The following PCDH15 variants were observed in gnomAD, a reference collection of about 807,000 sequenced individuals.
The protein encoded by PCDH15 is protocadherin related 15.
Under a neutral mutation model 178.5 loss-of-function variants are expected in PCDH15, and 129 were observed. That is an observed-to-expected ratio of 0.72 (90% CI 0.63 to 0.84). PCDH15 has a LOEUF of 0.84. Ranked by LOEUF, PCDH15 falls within the 40% of genes least tolerant of loss-of-function variation. The pLI is 0.00. For synonymous variants in PCDH15, 800 were observed against 732.0 expected (o/e 1.09, Z -1.50); for missense variants, 2,230 against 2,099.9 (o/e 1.06, Z -1.21).
chr10:54,676,968 G>C (rs570297019), intron 1 of PCDH15, among the ~76,000 whole-genome samples: 2 of 152,296 alleles, frequency 1.3e-5, no homozygotes, highest in East Asian at 3.9e-4. Context: ...TATTACAGAT[G>C]ATTTTGAAGT....
chr10:54,152,827 C>A (rs1237914744), intron 14 of PCDH15, among the ~76,000 whole-genome samples: 1 of 152,012 alleles, frequency 6.6e-6, no homozygotes, highest in Non-Finnish European at 1.5e-5. Context: ...ATGCCACTGA[C>A]ACATCTGTTA....
chr10:53,822,616 T>A, intron 32 of PCDH15: 1 of 1,613,994 alleles, frequency 6.2e-7, no homozygotes, highest in Non-Finnish European at 8.5e-7. Flanking sequence ...ACACAAGGCC[T>A]TGAAGGAGAA....
chr10:54,222,119 G>A (rs2052896250), intron 9 of PCDH15, among the ~76,000 whole-genome samples: 1 of 152,148 alleles, frequency 6.6e-6, no homozygotes, highest in Non-Finnish European at 1.5e-5. Flanking sequence ...GAACTTTCCT[G>A]TATACCTCTC....
In PCDH15 at chr10:54,023,193, G is replaced by A. The variant is rs1307912102; in HGVS notation, c.2225C>T (p.Thr742Ile). 1.2e-6 allele frequency: 2 copies of A among 1,613,086 alleles called. No individual in the cohort carries two copies. The highest frequency in any genetic ancestry group is 1.1e-5 in the South Asian group (1 of 91,068). The change falls in exon 19 of 38, where the codon ACA becomes ATA. Residue 742 changes from threonine to isoleucine, a missense_variant. Thr to Ile is a moderately conservative substitution (Grantham distance 89). Transcript: ENST00000644397. ...ANAFVGQVKA[T>I]DPDAGINGQV... ...ACCATTTATTCCAGCATCAGGGTCT[G>A]TTGCCTATTAAATAAAACAAAAAAA... is the stretch of plus-strand genomic sequence containing the variant.
intron 2 of PCDH15, among the ~76,000 whole-genome samples, chr10:54,601,956 G>C (rs2092556610): frequency 6.6e-6 from 1 of 151,880 alleles, no homozygotes; most frequent in South Asian, 2.1e-4. Context: ...CACAAAGACA[G>C]CAACAACCAG....
chr10:55,097,570 C>T (rs1038592585), intron 2 of PCDH15, among the ~76,000 whole-genome samples: 10 of 152,100 alleles, frequency 6.6e-5, no homozygotes, highest in African/African-American at 2.4e-4. Context: ...TAACAGAAGA[C>T]ACATTCCTAC....
chr10:54,746,998 G>A (rs1312287577), intron 1 of PCDH15, among the ~76,000 whole-genome samples: 2 of 152,190 alleles, frequency 1.3e-5, no homozygotes, highest in East Asian at 3.9e-4. Context: ...TTTATAAGGT[G>A]TAACACCACT....
At chr10:54,612,792 C>T (rs75221432) in intron 2 of PCDH15, among the ~76,000 whole-genome samples, 1 of 151,522 alleles carries the variant, frequency 6.6e-6, no homozygotes, top group African/African-American at 2.4e-5. Flanking sequence ...CAGTATAAAA[C>T]CTATTGGAAT....
At chr10:54,837,827 G>T (rs1293959062) in intron 3 of PCDH15, among the ~76,000 whole-genome samples, 1 of 152,058 alleles carries the variant, frequency 6.6e-6, no homozygotes, top group Non-Finnish European at 1.5e-5. Context: ...GTCACTTTGA[G>T]AAAGCAAGTC....
At chr10:53,860,078 G>C (rs2079002762) in intron 27 of PCDH15, among the ~76,000 whole-genome samples, 1 of 152,106 alleles carries the variant, frequency 6.6e-6, no homozygotes, top group South Asian at 2.1e-4. Flanking sequence ...CATCTATACT[G>C]GGTGAATGTG....
At chr10:55,556,795 C>A (rs776056188) in intron 2 of PCDH15, among the ~76,000 whole-genome samples, 1 of 152,078 alleles carries the variant, frequency 6.6e-6, no homozygotes, top group Admixed American at 6.6e-5. Context: ...GAGCCTAGAT[C>A]GCACCACTGT....
chr10:55,504,843 A>G (rs984557015), intron 2 of PCDH15, among the ~76,000 whole-genome samples: 3 of 151,490 alleles, frequency 2.0e-5, no homozygotes, highest in African/African-American at 4.8e-5. Flanking sequence ...ATACATTTAA[A>G]TGAGTTCCTT....
intron 13 of PCDH15, among the ~76,000 whole-genome samples, chr10:54,166,402 G>C (rs572550232): frequency 2.6e-5 from 4 of 152,116 alleles, no homozygotes; most frequent in African/African-American, 7.2e-5. Context: ...AGTTTAGTAC[G>C]AATCACCTAA....
intron 20 of PCDH15, among the ~76,000 whole-genome samples, chr10:53,997,062 C>T (rs987094808): frequency 6.6e-6 from 1 of 151,990 alleles, no homozygotes; most frequent in Non-Finnish European, 1.5e-5. Context: ...CTTTTATATT[C>T]GCCATAGAGT....
At chr10:55,165,355 T>C (rs1169105803) in intron 2 of PCDH15, among the ~76,000 whole-genome samples, 1 of 151,972 alleles carries the variant, frequency 6.6e-6, no homozygotes, top group East Asian at 1.9e-4. Flanking sequence ...CAAATCTGTT[T>C]AAGTGTACTG....
At chr10:55,409,088 T>C (rs574738412) in intron 2 of PCDH15, among the ~76,000 whole-genome samples, 63 of 150,390 alleles carry the variant, frequency 4.2e-4, no homozygotes, top group African/African-American at 1.5e-3. Flanking sequence ...ATTGAACACA[T>C]CTCACTGTAG....
rs151062328 is a variant in PCDH15, at chr10:55,405,885, C to CA, written c.-156+221739dup. Among the ~76,000 whole-genome samples the CA allele has an allele frequency of 9.8e-3, 1,375 of 140,370 alleles. 20 individuals are homozygous for CA. The highest frequency in any genetic ancestry group is 0.032 in the African/African-American group (1,229 of 38,326). The allele number at this position is 140,370 out of a possible 152,430, so 92.1% of individuals were successfully genotyped here. On this transcript the variant is annotated intron_variant, in intron 2 of 5. Coordinates refer to the PCDH15 transcript ENST00000613346. ...ATGTTAGAAGCTTACAAATGTTATG[C>CA]AAAAAAAAAAGGATCCAGGTAAGTT...
intron 2 of PCDH15, among the ~76,000 whole-genome samples, chr10:55,459,628 C>T (rs1027894990): frequency 4.6e-5 from 7 of 151,804 alleles, no homozygotes; most frequent in Non-Finnish European, 8.8e-5. Context: ...TGGCCATGAG[C>T]CTCATAATTG....
chr10:54,548,906 T>C (rs2086199534), intron 2 of PCDH15, among the ~76,000 whole-genome samples: 1 of 150,966 alleles, frequency 6.6e-6, no homozygotes, highest in Admixed American at 6.6e-5. Context: ...GAATTTAGGT[T>C]TTCTATCATG....
Sources: allele counts gnomAD v4.1 joint callset (sites outside exome capture counted in the v4.1 genomes callset), GRCh38; gene constraint gnomAD v4.1.1; transcripts MANE v1.5; gene names NCBI Gene and HGNC (gene_info 2026-07-23, HGNC 2026-07-21).